DST: variants seen among roughly 807,000 people sequenced by gnomAD.
DST encodes dystonin, also known as bullous pemphigoid antigen.
A neutral mutation model predicts 875.2 loss-of-function variants in DST; 253 were observed. That is an observed-to-expected ratio of 0.29 (90% CI 0.26 to 0.32). DST has a LOEUF of 0.32. Ranked by LOEUF, DST falls within the 10% of genes least tolerant of loss-of-function variation. DST has a pLI of 1.00. For missense variants in DST, 8,287 were observed against 9,111.6 expected (o/e 0.91, Z 3.68); for synonymous variants, 3,124 against 3,197.1 (o/e 0.98, Z 0.77).
chr6:56,700,530 C>T (rs2099295368), intron 8 of DST, among the ~76,000 whole-genome samples: 2 of 152,072 alleles, frequency 1.3e-5, no homozygotes, highest in South Asian at 4.1e-4. Context: ...CATTATTTTG[C>T]TATCAATGTG....
At chr6:56,727,497 T>A (rs1461958159) in intron 5 of DST, among the ~76,000 whole-genome samples, 1 of 152,226 alleles carries the variant, frequency 6.6e-6, no homozygotes, top group African/African-American at 2.4e-5. Context: ...CTGAACAAAG[T>A]GTAATTTTTT....
At chr6:56,464,166 T>A in intron 100 of DST, 1 of 357,614 alleles carries the variant, frequency 2.8e-6, no homozygotes, top group South Asian at 2.3e-5. Flanking sequence ...GGACTGTGTC[T>A]TTTGCATGTA....
At position 56,634,476 on chromosome 6, in the gene DST, C is replaced by T. The variant is rs1554536257; in HGVS notation, c.3480G>A (p.Val1160=). 1 of 1,614,164 alleles carries T rather than the reference C, an allele frequency of 6.2e-7. No individual in the cohort carries two copies. The highest frequency in any genetic ancestry group is 8.5e-7 in the Non-Finnish European group (1 of 1,180,020). ...TATATACAAACCTGTTGGCAAGGTC[C>T]ACCGCTTCTTTGTTTGGTGGAGGAA... ...FTVPPPNKEA[V]DLANRIEQQY... is the part of the protein sequence containing the mutation. The change falls in exon 26 of 104, where the codon GTG becomes GTA. Residue 1160 remains valine, a synonymous_variant. Coordinates refer to ENST00000680361, the MANE Select transcript of DST (RefSeq NM_001374736.1).
chr6:56,894,845 A>G (rs1226807236), intron 3 of DST, among the ~76,000 whole-genome samples: 79 of 49,062 alleles, frequency 1.6e-3, no homozygotes, highest in Middle Eastern at 0.025. Context: ...GCGGCTGGCC[A>G]GGCGGGGGGC....
At position 56,593,951 on chromosome 6, in the gene DST, A is replaced by C; in HGVS notation, c.12438T>G (p.Phe4146Leu). ...GTTCTGACTGCTGTAGCCAGTGCTC[A>C]AACTCGGTATAGTCAGCATCAAACT... The part of the protein sequence containing the change: ...LEKFDADYTE[F>L]EHWLQQSEQE... The change falls in exon 48 of 104, where the codon TTT (phenylalanine) becomes TTG (leucine). Residue 4146 changes from phenylalanine (F) to leucine (L), a missense_variant. Physicochemically the swap from Phe to Leu is conservative, Grantham distance 22. Around this residue, in one of 10 missense-constraint regions of DST, gnomAD observed 1,513 missense variants for 1,677.8 expected, o/e 0.90. Transcript: ENST00000680361. 11 of 1,613,854 alleles carry C rather than the reference A, an allele frequency of 6.8e-6. No homozygotes were observed. The highest frequency in any genetic ancestry group is 9.3e-6 in the Non-Finnish European group (11 of 1,179,848).
Position 56,635,689 on chromosome 6 carries a change from G to A in DST, c.3086C>T (p.Thr1029Ile). The change falls in exon 24 of 104, where the codon ACT becomes ATT. Residue 1029 changes from threonine to isoleucine, a missense_variant. This residue lies in a region of DST where 1,160 missense variants were observed against 1,424.3 expected (regional missense o/e 0.81). Coordinates refer to ENST00000680361, the MANE Select transcript of DST (RefSeq NM_001374736.1). Reference protein sequence around the residue: ...FEFFNDAKEATDYLRNLKDAI... With the variant: ...FEFFNDAKEAIDYLRNLKDAI... The stretch of plus-strand genomic sequence containing the variant: ...ATCTTTTAGATTCCTTAAGTAATCA[G>A]TAGCTTCTTTGGCATCATTGAAAAA... 6.2e-7 allele frequency: 1 copy of A among 1,613,842 alleles called. No individual in the cohort carries two copies. The highest frequency in any genetic ancestry group is 1.7e-5 in the Admixed American group (1 of 60,022).
intron 33 of DST, 36 bp downstream of exon 33, chr6:56,627,963 G>C: frequency 6.3e-7 from 1 of 1,598,984 alleles, no homozygotes; most frequent in East Asian, 2.2e-5. Flanking sequence ...ACCAAATGCA[G>C]ACATAACCTC....
Position 56,670,899 on chromosome 6 carries a change from A to G in DST, c.1048-92T>C, listed in dbSNP as rs1588219703. 3 of 717,884 alleles carry G rather than the reference A, an allele frequency of 4.2e-6. 1 individual carries two copies. The highest frequency in any genetic ancestry group is 2.6e-4 in the Middle Eastern group (1 of 3,822). The allele number at this position is 717,884 out of a possible 1,614,324, so 44.5% of individuals were successfully genotyped here. A position where few individuals can be genotyped will look rare whatever the true frequency, so the allele number is the denominator to read the frequency against. ...ATGTGCCAAGCACTTTCCAAAATCT[A>G]AGATTAGGATAATAACAATTCCCGC... On this transcript the variant is annotated intron_variant, in intron 9 of 103. Transcript: ENST00000680361.
At chr6:56,923,669 T>C (rs774107751) in intron 2 of DST, among the ~76,000 whole-genome samples, 1 of 152,124 alleles carries the variant, frequency 6.6e-6, no homozygotes, top group Non-Finnish European at 1.5e-5. Context: ...AATGTTCCAG[T>C]TGAAATCTGA....
In DST at chr6:56,609,230, T is replaced by C; in HGVS notation, c.5398A>G (p.Thr1800Ala). ...DYDTGIRLLE[T>A]QLMISGLISP... The stretch of plus-strand genomic sequence containing the variant: ...ATTAGACCAGAAATCATTAGCTGTG[T>C]CTCAAGCAACCTAATTCCTGTGTCA... Residue 1800 changes from threonine to alanine, a missense_variant, in exon 40 of 104, where the codon ACA (threonine) becomes GCA (alanine). By Grantham distance (58) the Thr-to-Ala change is moderately conservative. This residue lies in a region of DST where 3,138 missense variants were observed against 3,116.6 expected (regional missense o/e 1.01). Transcript: ENST00000680361. 1 of 1,613,820 alleles carries C rather than the reference T, an allele frequency of 6.2e-7. No homozygotes were observed. The highest frequency in any genetic ancestry group is 2.2e-5 in the East Asian group (1 of 44,882).
intron 3 of DST, among the ~76,000 whole-genome samples, chr6:56,872,845 T>C (rs1361227986): frequency 7.0e-6 from 1 of 141,992 alleles, no homozygotes; most frequent in African/African-American, 2.5e-5. Flanking sequence ...TTTTTTTTTT[T>C]CGGATATATA....
At chr6:56,501,810 C>T (rs2096135887) in intron 78 of DST, 117 bp from the exon 79 acceptor site, 1 of 674,898 alleles carries the variant, frequency 1.5e-6, no homozygotes, top group East Asian at 3.3e-5. Flanking sequence ...GGAGGTGACG[C>T]AAAGTAAAAA....
intron 4 of DST, among the ~76,000 whole-genome samples, chr6:56,824,815 G>A (rs1015949615): frequency 5.3e-5 from 8 of 151,194 alleles, no homozygotes; most frequent in Non-Finnish European, 7.4e-5. Context: ...TCCGGCAGCC[G>A]CCCCGTCTGA....
intron 49 of DST, among the ~76,000 whole-genome samples, chr6:56,583,318 G>GT (rs2098065702): frequency 6.6e-6 from 1 of 152,166 alleles, no homozygotes; most frequent in African/African-American, 2.4e-5. Context: ...TCTCATTGTG[G>GT]TTTTGATTTG....
intron 25 of DST, 27 bp downstream of exon 25, chr6:56,634,774 T>C: frequency 6.2e-7 from 1 of 1,607,480 alleles, no homozygotes; most frequent in Admixed American, 1.7e-5. Context: ...TGACAGAAAC[T>C]GGTCTGTTTC....
chr6:56,779,939 T>C (rs1186472687), intron 4 of DST, among the ~76,000 whole-genome samples: 1 of 140,722 alleles, frequency 7.1e-6, no homozygotes, highest in Non-Finnish European at 1.5e-5. Flanking sequence ...TGTGTTCTCA[T>C]TGTTCAATTC....
At chr6:56,868,405 T>C (rs148063561) in intron 3 of DST, among the ~76,000 whole-genome samples, 54 of 152,316 alleles carry the variant, frequency 3.5e-4, no homozygotes, top group African/African-American at 1.3e-3. Flanking sequence ...ACAAATTCCA[T>C]ACCTTTAATG....
intron 47 of DST, 30 bp downstream of exon 47, chr6:56,597,710 G>T: frequency 1.3e-6 from 2 of 1,587,756 alleles, no homozygotes; most frequent in Non-Finnish European, 1.7e-6. Context: ...AAATAGAATT[G>T]AACGATATCA....
rs1032136144 is a variant in DST, at chr6:56,601,336, T to G, written c.11541+107A>C. On this transcript the variant is annotated intron_variant, in intron 44 of 103. Coordinates refer to ENST00000680361, the MANE Select transcript of DST (RefSeq NM_001374736.1). ...TGTATGTACACTGTATCTTATCCAT[T>G]AATGCCTTTCCAGAAAATCTTTCCT... 2.0e-5 allele frequency: 14 copies of G among 685,488 alleles called. No homozygotes were observed. In the African/African-American group the frequency reaches 2.3e-4, roughly 12 times the overall value. The allele number at this position is 685,488 out of a possible 1,614,324, so 42.5% of individuals were successfully genotyped here. A position where few individuals can be genotyped will look rare whatever the true frequency, so the allele number is the denominator to read the frequency against.
Sources: gnomAD v4.1 joint callset for allele counts (sites outside exome capture counted in the v4.1 genomes callset) on GRCh38, gnomAD v4.1.1 for gene constraint, gnomAD v4.1.1 regional missense constraint, MANE v1.5 for transcripts, NCBI Gene and HGNC (gene_info 2026-07-23, HGNC 2026-07-21) for gene names.